KDELR1: variants seen among roughly 807,000 people sequenced by gnomAD.
KDELR1 encodes ER lumen protein-retaining receptor 1.
Under a neutral mutation model 25.5 loss-of-function variants are expected in KDELR1, and 16 were observed. The observed-to-expected ratio is 0.63, with a 90% CI of 0.43 to 0.95. The LOEUF is 0.95. Among genes scored for constraint, KDELR1 ranks in the 40% least tolerant of loss-of-function variants. KDELR1 has a pLI of 0.00. For synonymous variants in KDELR1, 121 were observed against 115.0 expected (o/e 1.05, Z -0.33); for missense variants, 159 against 265.2 (o/e 0.60, Z 2.78).
intron 1 of KDELR1, chr19:48,390,795 G>T: frequency 2.1e-6 from 1 of 483,994 alleles, no homozygotes; most frequent in Non-Finnish European, 3.7e-6. Flanking sequence ...TCCAGCCCGA[G>T]GCTCCGTCCC....
chr19:48,393,761 GCCCGCAGCCT>G (rs970668065), upstream of KDELR1, among the ~76,000 whole-genome samples: 4 of 152,010 alleles, frequency 2.6e-5, no homozygotes, highest in Non-Finnish European at 5.9e-5. This position sits in a 1 kb window ranked among gnomAD's most constrained non-coding sequence, Gnocchi z 5.6. Context: ...CGCCACCCTC[GCCCGCAGCCT>G]CCCGCAGCCT....
At chr19:48,391,189 A>T in intron 1 of KDELR1, 79 bp downstream of exon 1, 5 of 1,302,920 alleles carry the variant, frequency 3.8e-6, no homozygotes, top group Non-Finnish European at 5.4e-6. Context: ...AGTGCCCCCA[A>T]ACCCTTCCTG....
At chr19:48,386,322 G>A (rs932540378) in intron 3 of KDELR1, among the ~76,000 whole-genome samples, 1 of 151,966 alleles carries the variant, frequency 6.6e-6, no homozygotes, top group African/African-American at 2.4e-5. Context: ...TCACCATGTT[G>A]GCCAGGCTGG....
intron 2 of KDELR1, 29 bp from the exon 3 acceptor site, chr19:48,389,740 T>G (rs1333064541): frequency 1.2e-6 from 2 of 1,612,540 alleles, no homozygotes; most frequent in Non-Finnish European, 1.7e-6. Flanking sequence ...AGAAGGGGCC[T>G]CAACTCACAG....
chr19:48,395,445 C>T (rs947667551), upstream of KDELR1, among the ~76,000 whole-genome samples: 1 of 152,074 alleles, frequency 6.6e-6, no homozygotes, highest in African/African-American at 2.4e-5. Context: ...CTGGAACACC[C>T]TTCCAGCCTC....
In KDELR1 at chr19:48,390,418, C is replaced by T. The variant is rs276701; in HGVS notation, c.192+6G>A. 249,710 of 1,606,784 alleles carry T rather than the reference C, an allele frequency of 0.16. 22,481 individuals are homozygous for T. Among genetic ancestry groups the T allele is most frequent in the African/African-American group, 0.32 (23,847 of 74,698 alleles). On this transcript the variant is annotated splice_donor_region_variant and intron_variant, in intron 2 of 4. Coordinates refer to ENST00000330720, the MANE Select transcript of KDELR1 (RefSeq NM_006801.3). ...GGGGGCCAGAGAGGTGGGGTGGAGCCTCTACCTTCATACACGTGTTGTAGA... is the reference window on the plus strand; with the variant it reads ...GGGGGCCAGAGAGGTGGGGTGGAGCTTCTACCTTCATACACGTGTTGTAGA...
chr19:48,391,593 T>C (rs1267041576), upstream of KDELR1: 3 of 524,680 alleles, frequency 5.7e-6, no homozygotes, highest in Non-Finnish European at 1.0e-5. Context: ...GAGGAGAGGC[T>C]CCGCCCCCGA....
At chr19:48,388,378 A>G (rs1432450838) in intron 3 of KDELR1, among the ~76,000 whole-genome samples, 2 of 152,144 alleles carry the variant, frequency 1.3e-5, no homozygotes, top group Non-Finnish European at 2.9e-5. Context: ...GCACGGGATC[A>G]TGCTAATAGA....
At chr19:48,397,133 C>A in the KDELR1 span, among the ~76,000 whole-genome samples, 1 of 149,350 alleles carries the variant, frequency 6.7e-6, no homozygotes, top group Admixed American at 6.6e-5. Flanking sequence ...TGCCCCCCAA[C>A]CCCACATCCC....
intron 4 of KDELR1, 70 bp from the exon 5 acceptor site, chr19:48,383,397 C>G: frequency 7.0e-7 from 1 of 1,424,848 alleles, no homozygotes; most frequent in Non-Finnish European, 9.7e-7. Flanking sequence ...CCTCCCACAG[C>G]CAGAGCAGGG....
At chr19:48,391,198 T>G in intron 1 of KDELR1, 70 bp downstream of exon 1, 3 of 1,371,626 alleles carry the variant, frequency 2.2e-6, no homozygotes, top group Non-Finnish European at 3.0e-6. Flanking sequence ...AAACCCTTCC[T>G]GAGTCCTGCG....
chr19:48,396,943 G>T, the KDELR1 span, among the ~76,000 whole-genome samples: 1 of 152,132 alleles, frequency 6.6e-6, no homozygotes, highest in African/African-American at 2.4e-5. Flanking sequence ...GACTCCCAGT[G>T]CCCTCCTCCC....
upstream of KDELR1, chr19:48,391,554 G>C (rs1218123521): frequency 5.2e-6 from 3 of 581,160 alleles, no homozygotes; most frequent in Admixed American, 9.0e-5. Flanking sequence ...CCGGGAAGAG[G>C]GAGGAGAGCG....
chr19:48,396,650 G>A, the KDELR1 span, among the ~76,000 whole-genome samples: 5 of 152,010 alleles, frequency 3.3e-5, no homozygotes, highest in Non-Finnish European at 5.9e-5. Flanking sequence ...GGAGGGATGG[G>A]CATACTAGGA....
At chr19:48,390,313 G>C in intron 2 of KDELR1, 111 bp downstream of exon 2, 1 of 725,884 alleles carries the variant, frequency 1.4e-6, no homozygotes, top group Non-Finnish European at 2.3e-6. Flanking sequence ...TCCTCCCTCA[G>C]ACCCAGGAGT....
At chr19:48,396,524 A>G (rs933097183), upstream of KDELR1, among the ~76,000 whole-genome samples, 3 of 148,828 alleles carry the variant, frequency 2.0e-5, no homozygotes, top group South Asian at 2.1e-4. Flanking sequence ...CGCGGGGGCC[A>G]GGCCACAGCT....
upstream of KDELR1, among the ~76,000 whole-genome samples, chr19:48,392,028 G>A (rs1471887180): frequency 6.7e-6 from 1 of 150,284 alleles, no homozygotes; most frequent in Non-Finnish European, 1.5e-5. Context: ...CAGGAGTCCA[G>A]ACCCCCAGCC....
intron 1 of KDELR1, 39 bp from the exon 2 acceptor site, chr19:48,390,563 CAGAGAG>C: frequency 2.0e-6 from 2 of 979,574 alleles, no homozygotes; most frequent in Non-Finnish European, 3.0e-6. Flanking sequence ...GAGAGAGAGA[CAGAGAG>C]AGAGAGAGAG....
chr19:48,388,868 A>AAAGG (rs759344139), intron 3 of KDELR1, among the ~76,000 whole-genome samples: 2 of 149,390 alleles, frequency 1.3e-5, no homozygotes, highest in Admixed American at 6.7e-5. Flanking sequence ...AGGAAGAAAG[A>AAAGG]AAGGAAGGAA....
Sources: gnomAD v4.1 joint callset for allele counts (sites outside exome capture counted in the v4.1 genomes callset) on GRCh38, gnomAD v4.1.1 for gene constraint, Gnocchi (gnomAD v3.1) non-coding constraint, MANE v1.5 for transcripts, NCBI Gene and HGNC (gene_info 2026-07-23, HGNC 2026-07-21) for gene names.